ABHD2: variants seen among roughly 807,000 people sequenced by gnomAD.
The protein encoded by ABHD2 is abhydrolase domain containing 2, acylglycerol lipase, also known as monoacylglycerol lipase ABHD2.
In ABHD2, 20 loss-of-function variants were observed where a neutral mutation model predicts 48.1. The ratio of observed to expected loss-of-function variants is 0.42; its 90% CI spans 0.29 to 0.60. The LOEUF (loss-of-function observed/expected upper bound fraction) is 0.60, where lower values mean the gene tolerates loss of function less well. Ranked by LOEUF, ABHD2 falls within the 20% of genes least tolerant of loss-of-function variation. The probability of loss-of-function intolerance (pLI) is 0.24; values close to 1 mark genes in which losing one functional copy is unlikely to be tolerated. For synonymous variants in ABHD2, 209 were observed against 214.2 expected, an observed-to-expected ratio of 0.98 and a Z score of 0.21; for missense variants, 405 against 550.9, an observed-to-expected ratio of 0.74 and a Z score of 2.65.
rs79955841 is a variant in ABHD2, at chr15:89,156,510, G to T, written c.538+976G>T. On this transcript the variant is annotated intron_variant, in intron 5 of 10. Coordinates refer to ENST00000352732, the MANE Select transcript of ABHD2 (RefSeq NM_152924.5). ...CACCATAAATAGTGCACTTTAGGAG[G>T]CTGAGGCAGGTGGATCACTTGAGGT... 3.1e-4 allele frequency among the ~76,000 whole-genome samples: 47 copies of T among 152,210 alleles called. No individual in the cohort carries two copies. The East Asian group carries it at 7.7e-3, about 25-fold the overall frequency.
At position 89,177,603 on chromosome 15, in the gene ABHD2, G is replaced by A. The variant is rs1334922316; in HGVS notation, c.722+1608G>A. On this transcript the variant is annotated intron_variant, in intron 6 of 10. Coordinates refer to ENST00000352732, the MANE Select transcript of ABHD2 (RefSeq NM_152924.5). This position sits in a 1 kb window ranked among gnomAD's most constrained non-coding sequence, Gnocchi z 5.6. ...CAGTGGTCTCTCCAGCTGCTCTCGC[G>A]TTCCAGGACCAGGCTAGTCCCCCAT... 2.6e-5 allele frequency among the ~76,000 whole-genome samples: 4 copies of A among 152,206 alleles called. No individual in the cohort carries two copies. Among genetic ancestry groups the A allele is most frequent in the South Asian group, 2.1e-4 (1 of 4,806 alleles).
At chr15:89,058,621 C>T in the ABHD2 span, among the ~76,000 whole-genome samples, 4 of 152,196 alleles carry the variant, frequency 2.6e-5, no homozygotes, top group African/African-American at 7.2e-5. Context: ...TAACTCCCTC[C>T]ATCCCTCAGG....
At position 89,201,537 on chromosome 15, in the gene ABHD2, T is replaced by C. The variant is rs1034206822; in HGVS notation, c.*6114T>C. ...TACCATAAACTTGTGTTTACTCTTT[T>C]CATTCGGATCATAGTCAAAGGGCTG... On this transcript the variant is annotated 3_prime_UTR_variant, in exon 11 of 11. Transcript: ENST00000352732. 36 of 1,594,178 alleles carry C rather than the reference T, an allele frequency of 2.3e-5. No homozygotes were observed. The highest frequency in any genetic ancestry group is 2.9e-5 in the Non-Finnish European group (34 of 1,162,290).
intron 3 of ABHD2, among the ~76,000 whole-genome samples, chr15:89,145,779 G>A (rs1371237951): frequency 1.3e-5 from 2 of 152,194 alleles, no homozygotes; most frequent in African/African-American, 4.8e-5. Flanking sequence ...TTTGAGTAGG[G>A]TGGGGGGACA....
At chr15:89,130,855 A>G (rs187319236) in intron 3 of ABHD2, among the ~76,000 whole-genome samples, 2 of 152,094 alleles carry the variant, frequency 1.3e-5, no homozygotes, top group South Asian at 2.1e-4. Flanking sequence ...AAGCCAAAAC[A>G]TTAGACACCC....
chr15:89,197,426 C>G lies in ABHD2; in HGVS notation c.*2003C>G, dbSNP rs2150960925. ...CTCTCCTCTGTTACTTTTCCCTTCA[C>G]CCAACTACAGCTGTGATCTAGAACA... On this transcript the variant is annotated 3_prime_UTR_variant, in exon 11 of 11. Coordinates refer to ENST00000352732, the MANE Select transcript of ABHD2 (RefSeq NM_152924.5). The surrounding 1 kb of genome is among the most constrained non-coding windows in gnomAD (Gnocchi z 4.4). 6.5e-6 allele frequency: 1 copy of G among 152,788 alleles called. No individual in the cohort carries two copies. Among genetic ancestry groups the G allele is most frequent in the South Asian group, 2.1e-4 (1 of 4,828 alleles). 9.5% of individuals were successfully genotyped at this position (152,788 alleles called of 1,614,324 possible).
At chr15:89,117,289 G>T (rs1222002732) in intron 3 of ABHD2, among the ~76,000 whole-genome samples, 2 of 152,232 alleles carry the variant, frequency 1.3e-5, no homozygotes, top group African/African-American at 2.4e-5. Flanking sequence ...GCCTCCCAAA[G>T]TGCTGGGATT....
At position 89,201,293 on chromosome 15, in the gene ABHD2, G is replaced by A. The variant is rs929993217; in HGVS notation, c.*5870G>A. On this transcript the variant is annotated 3_prime_UTR_variant, in exon 11 of 11. Coordinates refer to ENST00000352732, the MANE Select transcript of ABHD2 (RefSeq NM_152924.5). ...TCCCTGAAGTCTTTTACACTCTTCT[G>A]TTAGTTTCCTTGTTTCAGTATCATG... is the stretch of plus-strand genomic sequence containing the variant. 6 of 1,147,478 alleles carry A rather than the reference G, an allele frequency of 5.2e-6. No individual in the cohort carries two copies. In the South Asian group the frequency reaches 7.8e-5, roughly 15 times the overall value. 71.1% of individuals were successfully genotyped at this position (1,147,478 alleles called of 1,614,324 possible).
At chr15:89,041,372 C>G in the ABHD2 span, 2 of 152,210 alleles carry the variant, frequency 1.3e-5, no homozygotes, top group Non-Finnish European at 2.9e-5. Context: ...TGCTTTTCTT[C>G]TGAGTTTCGG....
intron 5 of ABHD2, among the ~76,000 whole-genome samples, chr15:89,170,384 AC>A (rs1336746186): frequency 6.6e-6 from 1 of 152,044 alleles, no homozygotes; most frequent in Admixed American, 6.5e-5. Flanking sequence ...AGCATCAGCC[AC>A]CGCGCCCGGC....
At chr15:89,108,746 G>A (rs1242359663) in intron 1 of ABHD2, among the ~76,000 whole-genome samples, 1 of 152,176 alleles carries the variant, frequency 6.6e-6, no homozygotes, top group African/African-American at 2.4e-5. Flanking sequence ...ATATATAACT[G>A]TTTAATTTAT....
chr15:89,058,249 G>A, the ABHD2 span, among the ~76,000 whole-genome samples: 7 of 152,186 alleles, frequency 4.6e-5, no homozygotes, highest in Middle Eastern at 3.4e-3. Flanking sequence ...CTTTCAGATC[G>A]TGAGGAGCCT....
intron 5 of ABHD2, among the ~76,000 whole-genome samples, chr15:89,161,205 T>C (rs1044753381): frequency 1.3e-5 from 2 of 152,068 alleles, no homozygotes; most frequent in Admixed American, 1.3e-4. Flanking sequence ...CCTTGTTCCC[T>C]CATTAGTTTT....
chr15:89,140,229 C>T (rs990330444), intron 3 of ABHD2, among the ~76,000 whole-genome samples: 5 of 152,204 alleles, frequency 3.3e-5, no homozygotes, highest in Non-Finnish European at 7.3e-5. Flanking sequence ...TCAAGCTCTA[C>T]TGAAAGACCT....
In ABHD2 at chr15:89,198,595, T is replaced by C. The variant is rs1454446139; in HGVS notation, c.*3172T>C. The C allele has an allele frequency of 6.6e-6, 1 of 152,256 alleles. No individual in the cohort carries two copies. Among genetic ancestry groups the C allele is most frequent in the Non-Finnish European group, 1.5e-5 (1 of 68,048 alleles). The allele number at this position is 152,256 out of a possible 1,614,324, so 9.4% of individuals were successfully genotyped here. ...ATGATTCACCGTAAGAGTGGAAATA[T>C]ACCTGAGTTCGTGTCCTAATGGTCT... On this transcript the variant is annotated 3_prime_UTR_variant, in exon 11 of 11. Transcript: ENST00000352732. This position sits in a 1 kb window ranked among gnomAD's most constrained non-coding sequence, Gnocchi z 5.1.
upstream of ABHD2, among the ~76,000 whole-genome samples, chr15:89,085,886 C>G (rs1349570233): frequency 6.6e-6 from 1 of 152,190 alleles, no homozygotes; most frequent in Non-Finnish European, 1.5e-5. This position sits in a 1 kb window ranked among gnomAD's most constrained non-coding sequence, Gnocchi z 4.2. Flanking sequence ...CTGTATTGGG[C>G]TGGGCCTATT....
At chr15:89,075,352 G>A in the ABHD2 span, 1 of 152,402 alleles carries the variant, frequency 6.6e-6, no homozygotes, top group Non-Finnish European at 1.5e-5. This position sits in a 1 kb window ranked among gnomAD's most constrained non-coding sequence, Gnocchi z 4.1. Flanking sequence ...AAGCCTTTAT[G>A]GATGGAGTGA....
the ABHD2 span, among the ~76,000 whole-genome samples, chr15:89,056,908 C>CGTT: frequency 6.1e-4 from 53 of 87,442 alleles, 2 homozygotes; most frequent in Non-Finnish European, 8.6e-4. Context: ...TAAGTGATAC[C>CGTT]TTTTTTTTTT....
At chr15:89,061,504 C>T in the ABHD2 span, among the ~76,000 whole-genome samples, 15 of 152,106 alleles carry the variant, frequency 9.9e-5, no homozygotes, top group Non-Finnish European at 1.6e-4. Context: ...CAAACTCCAG[C>T]ATTATACAAT....
Sources: allele counts gnomAD v4.1 joint callset (sites outside exome capture counted in the v4.1 genomes callset), GRCh38; gene constraint gnomAD v4.1.1; non-coding constraint Gnocchi (gnomAD v3.1); transcripts MANE v1.5; gene names NCBI Gene and HGNC (gene_info 2026-07-23, HGNC 2026-07-21).